Variants in KIF20B observed in about 807,000 individuals in gnomAD.
KIF20B encodes the protein kinesin-like protein KIF20B.
Under a neutral mutation model 232.5 loss-of-function variants are expected in KIF20B, and 188 were observed. The observed-to-expected ratio is 0.81, with a 90% confidence interval of 0.72 to 0.91. The LOEUF is 0.91. KIF20B is among the 40% of genes least tolerant of loss of function. The probability of loss-of-function intolerance (pLI) is 0.00; values close to 1 mark genes in which losing one functional copy is unlikely to be tolerated. For synonymous variants in KIF20B, 712 were observed against 683.0 expected, an observed-to-expected ratio of 1.04 and a Z score of -0.66; for missense variants, 2,154 against 2,055.9, an observed-to-expected ratio of 1.05 and a Z score of -0.92.
chr10:89,757,199 A>C (rs1231801504), intron 26 of KIF20B, among the ~76,000 whole-genome samples: 1 of 151,686 alleles, frequency 6.6e-6, no homozygotes, highest in Non-Finnish European at 1.5e-5. Flanking sequence ...TAGTCCCACC[A>C]AGGTATGGTA....
chr10:89,735,565 G>A (rs3925446), intron 19 of KIF20B, among the ~76,000 whole-genome samples: 23,089 of 125,916 alleles, frequency 0.18, 2,487 homozygotes, highest in East Asian at 0.4. Context: ...TTGAGACAGA[G>A]TCTTCCTCTG....
At chr10:89,735,728 C>T (rs1841637574) in intron 19 of KIF20B, among the ~76,000 whole-genome samples, 1 of 151,682 alleles carries the variant, frequency 6.6e-6, no homozygotes, top group African/African-American at 2.4e-5. Context: ...TTAGTAGAGA[C>T]AGGGTTTCAC....
Position 89,768,297 on chromosome 10 carries a change from T to G in KIF20B, c.4997T>G (p.Val1666Gly). ...AAAATTCATTATTTTTAGGACTTGG[T>G]GAAATGTGAAAATAAGAAGAATGCT... Reference protein sequence around the residue: ...RKSNEMEEDLVKCENKKNATP... With the variant: ...RKSNEMEEDLGKCENKKNATP... Residue 1666 changes from valine to glycine, a missense_variant, in exon 30 of 33, where the codon GTG becomes GGG. By Grantham distance (109) the Val-to-Gly change is moderately radical. Transcript: ENST00000371728. 2.6e-6 allele frequency: 4 copies of G among 1,547,978 alleles called. No homozygotes were observed. The highest frequency in any genetic ancestry group is 3.5e-6 in the Non-Finnish European group (4 of 1,134,502).
At chr10:89,718,997 C>A in intron 12 of KIF20B, 125 bp downstream of exon 12, 1 of 624,808 alleles carries the variant, frequency 1.6e-6, no homozygotes, top group Admixed American at 3.9e-5. Context: ...AAATATTTAA[C>A]CAAGTAGGAA....
At position 89,719,540 on chromosome 10, in the gene KIF20B, C is replaced by G; in HGVS notation, c.1556C>G (p.Thr519Ser). The G allele has an allele frequency of 6.2e-7, 1 of 1,613,044 alleles. No homozygotes were observed. The highest frequency in any genetic ancestry group is 1.1e-5 in the South Asian group (1 of 91,010). ...AAAATATTAAATGTAAAAAGAGCCA[C>G]CATTTCATGGGAAAATAGTCTAGAA... The part of the protein sequence containing the change: ...NSKILNVKRA[T>S]ISWENSLEDL... Residue 519 changes from threonine to serine, a missense_variant, in exon 13 of 33, where the codon ACC becomes AGC. Physicochemically the swap from Thr to Ser is moderately conservative, Grantham distance 58 (BLOSUM62 1). Transcript: ENST00000371728.
chr10:89,738,199 C>T lies in KIF20B; in HGVS notation c.3358C>T (p.Leu1120Phe). Residue 1120 changes from leucine to phenylalanine, a missense_variant, in exon 20 of 33, where the codon CTT becomes TTT. Physicochemically the swap from Leu to Phe is conservative, Grantham distance 22. Transcript: ENST00000371728. Reference protein sequence around the residue: ...QDDLLKEKETLIQQLKEELQE... With the variant: ...QDDLLKEKETFIQQLKEELQE... ...TGACCTACTAAAAGAAAAAGAAACT[C>T]TTATACAGCAGCTGAAAGAAGAATT... 1 of 1,604,784 alleles carries T rather than the reference C, an allele frequency of 6.2e-7. No individual in the cohort carries two copies. Among genetic ancestry groups the T allele is most frequent in the Non-Finnish European group, 8.5e-7 (1 of 1,178,376 alleles).
rs577743097 is a variant in KIF20B at position 89,757,344 on chromosome 10, C to T, written c.4504-1362C>T. On this transcript the variant is annotated intron_variant, in intron 26 of 32. Coordinates refer to ENST00000371728, the MANE Select transcript of KIF20B (RefSeq NM_001284259.2). ...GTTTCTCTGTTGGATTATCTAGCTTCTTATTTGTAGGAATTCTTTATACTT... is the reference window on the plus strand; with the variant it reads ...GTTTCTCTGTTGGATTATCTAGCTTTTTATTTGTAGGAATTCTTTATACTT... Among the ~76,000 whole-genome samples, 195 of 151,826 alleles carry T rather than the reference C, an allele frequency of 1.3e-3. 1 individual carries two copies. Among genetic ancestry groups the T allele is most frequent in the Middle Eastern group, 3.4e-3 (1 of 294 alleles).
At chr10:89,721,539 G>A (rs1360772910) in intron 13 of KIF20B, among the ~76,000 whole-genome samples, 1 of 152,112 alleles carries the variant, frequency 6.6e-6, no homozygotes, top group Non-Finnish European at 1.5e-5. Context: ...GCATGATGAT[G>A]CACAGGTGTA....
chr10:89,744,602 T>G (rs921000581), intron 22 of KIF20B, among the ~76,000 whole-genome samples: 7 of 152,140 alleles, frequency 4.6e-5, no homozygotes, highest in Non-Finnish European at 1.0e-4. Context: ...AGAGTTGAGG[T>G]CTTACAGCAA....
chr10:89,742,409 TTAA>T (rs895875842), intron 21 of KIF20B, among the ~76,000 whole-genome samples: 3 of 152,198 alleles, frequency 2.0e-5, no homozygotes, highest in Non-Finnish European at 4.4e-5. Context: ...TGTCTTAGTC[TTAA>T]TAAGACTTGT....
At position 89,726,530 on chromosome 10, in the gene KIF20B, A is replaced by T. The variant is rs1843190756; in HGVS notation, c.2230+9A>T. On this transcript the variant is annotated intron_variant, in intron 16 of 32. Transcript: ENST00000371728. ...AAAAAAGAGAGAAAATGGTAAGTGG[A>T]TACATTTTACTTTTATTTAGATATT... is the stretch of plus-strand genomic sequence containing the variant. 6.4e-7 allele frequency: 1 copy of T among 1,553,154 alleles called. No homozygotes were observed. Among genetic ancestry groups the T allele is most frequent in the Non-Finnish European group, 8.7e-7 (1 of 1,144,854 alleles).
chr10:89,772,654 T>G (rs777453876), intron 31 of KIF20B, 35 bp from the exon 32 acceptor site: 1 of 1,370,454 alleles, frequency 7.3e-7, no homozygotes, highest in Non-Finnish European at 1.0e-6. Context: ...ATTAGAAAAT[T>G]ATTTCAGGAA....
chr10:89,715,649 T>G (rs999114371), intron 8 of KIF20B, among the ~76,000 whole-genome samples: 1 of 152,214 alleles, frequency 6.6e-6, no homozygotes, highest in African/African-American at 2.4e-5. Context: ...TAATTATACT[T>G]TTACTACAAG....
At chr10:89,727,598 C>T (rs931755957) in intron 16 of KIF20B, among the ~76,000 whole-genome samples, 1 of 152,108 alleles carries the variant, frequency 6.6e-6, no homozygotes, top group Non-Finnish European at 1.5e-5. Flanking sequence ...GATGCTATGC[C>T]AGTTCTTTAC....
intron 13 of KIF20B, among the ~76,000 whole-genome samples, chr10:89,720,124 AGT>A (rs1371177903): frequency 6.6e-6 from 1 of 152,156 alleles, no homozygotes; most frequent in African/African-American, 2.4e-5. Flanking sequence ...AGAGTTCCCC[AGT>A]GTTCCAAATA....
At chr10:89,703,383 A>T (rs1178835069) in intron 1 of KIF20B, among the ~76,000 whole-genome samples, 1 of 152,210 alleles carries the variant, frequency 6.6e-6, no homozygotes, top group Non-Finnish European at 1.5e-5. Context: ...AAGGATTTTG[A>T]CAGGATTGTA....
intron 25 of KIF20B, among the ~76,000 whole-genome samples, chr10:89,753,724 G>A (rs1187078412): frequency 6.6e-6 from 1 of 152,006 alleles, no homozygotes; most frequent in Non-Finnish European, 1.5e-5. Flanking sequence ...GGGTTCAAGC[G>A]ATTCTCCTGC....
rs535355548 is a variant in KIF20B at position 89,765,121 on chromosome 10, C to G, written c.4989+2286C>G. ...GTTTCAGCTTTCTACATATGGCTAG[C>G]CAGTTTTCCCAGCACCATTTATTAA... On this transcript the variant is annotated intron_variant, in intron 29 of 32. Coordinates refer to ENST00000371728, the MANE Select transcript of KIF20B (RefSeq NM_001284259.2). Among the ~76,000 whole-genome samples the G allele has an allele frequency of 1.9e-3, 292 of 151,896 alleles. 2 individuals are homozygous for G. The highest frequency in any genetic ancestry group is 6.1e-3 in the African/African-American group (251 of 41,432).
intron 19 of KIF20B, among the ~76,000 whole-genome samples, chr10:89,736,425 AGT>A (rs142032669): frequency 0.027 from 4,084 of 152,262 alleles, 360 homozygotes; most frequent in East Asian, 0.27. Context: ...TATTTGTCAG[AGT>A]GAACTTATGA....
Sources: gnomAD v4.1 joint callset for allele counts (sites outside exome capture counted in the v4.1 genomes callset) on GRCh38, gnomAD v4.1.1 for gene constraint, MANE v1.5 for transcripts, NCBI Gene and HGNC (gene_info 2026-07-23, HGNC 2026-07-21) for gene names.